Variants in GRIA3 observed in about 807,000 individuals in gnomAD.
GRIA3 encodes glutamate ionotropic receptor AMPA type subunit 3, also known as glutamate receptor 3.
Under a neutral mutation model 63.0 loss-of-function variants are expected in GRIA3, and 3 were observed. That is an observed-to-expected ratio of 0.05 (90% CI 0.02 to 0.12). The LOEUF (loss-of-function observed/expected upper bound fraction) is 0.12, where lower values mean the gene tolerates loss of function less well. Ranked by LOEUF, GRIA3 falls within the 10% of genes least tolerant of loss-of-function variation. The pLI, the probability that GRIA3 is intolerant of heterozygous loss-of-function variation, is 1.00. For synonymous variants in GRIA3, 274 were observed against 257.9 expected, an observed-to-expected ratio of 1.06 and a Z score of -0.60; for missense variants, 347 against 700.9, an observed-to-expected ratio of 0.50 and a Z score of 5.70.
rs145824332 is a variant in GRIA3, at chrX:123,222,981, C to G, written c.269-30322C>G. Among the ~76,000 whole-genome samples the G allele has an allele frequency of 8.5e-3, 957 of 112,239 alleles. 15 individuals are homozygous for G. Among genetic ancestry groups the G allele is most frequent in the African/African-American group, 0.029 (909 of 30,845 alleles). On this transcript the variant is annotated intron_variant, in intron 2 of 15. Coordinates refer to ENST00000620443, the MANE Select transcript of GRIA3 (RefSeq NM_007325.5). ...GGCTCCTAAGCACAACTATTGAGAT[C>G]TACTTTTAATGCTATGTGGGTCATT...
At chrX:123,298,634 C>T (rs1422195524) in intron 3 of GRIA3, among the ~76,000 whole-genome samples, 1 of 110,614 alleles carries the variant, frequency 9.0e-6, no homozygotes, top group Non-Finnish European at 1.9e-5. Context: ...TATATTATAC[C>T]TTTATCAGAC....
chrX:123,212,437 T>C (rs1928064638), intron 2 of GRIA3, among the ~76,000 whole-genome samples: 2 of 111,964 alleles, frequency 1.8e-5, no homozygotes, highest in African/African-American at 6.5e-5. Context: ...AGAAGTATCT[T>C]CATCTTTTGG....
Position 123,235,979 on chromosome X carries a change from T to C in GRIA3, c.269-17324T>C, listed in dbSNP as rs557737813. ...AGTACATTAAGTCATCCTGAATAAA[T>C]TAAGTTCATCTGCTTTCCACACAGG... On this transcript the variant is annotated intron_variant, in intron 2 of 15. Coordinates refer to ENST00000620443, the MANE Select transcript of GRIA3 (RefSeq NM_007325.5). 2.6e-4 allele frequency among the ~76,000 whole-genome samples: 29 copies of C among 111,628 alleles called. 1 individual carries two copies. The highest frequency in any genetic ancestry group is 2.0e-3 in the East Asian group (7 of 3,532).
chrX:123,400,352 A>T (rs772049122), intron 7 of GRIA3, among the ~76,000 whole-genome samples: 4 of 111,413 alleles, frequency 3.6e-5, no homozygotes, highest in Non-Finnish European at 5.7e-5. Context: ...AAAACAATAC[A>T]TTACCTTTCT....
At chrX:123,441,037 G>A (rs780094536) in intron 12 of GRIA3, among the ~76,000 whole-genome samples, 1 of 111,949 alleles carries the variant, frequency 8.9e-6, no homozygotes, top group African/African-American at 3.2e-5. Flanking sequence ...CATTCATACT[G>A]AGCCCAGTAT....
intron 3 of GRIA3, among the ~76,000 whole-genome samples, chrX:123,314,066 G>A (rs1473253348): frequency 9.0e-6 from 1 of 111,194 alleles, no homozygotes; most frequent in East Asian, 2.8e-4. Context: ...ACTAGGGCTG[G>A]CAAGTGCATT....
chrX:123,210,917 C>G (rs941443412), intron 2 of GRIA3, among the ~76,000 whole-genome samples: 1 of 111,826 alleles, frequency 8.9e-6, no homozygotes, highest in Non-Finnish European at 1.9e-5. Context: ...ACTAGTCTTT[C>G]AAAAATGTAT....
At chrX:123,407,879 G>T (rs1345454772) in intron 10 of GRIA3, among the ~76,000 whole-genome samples, 3 of 111,690 alleles carry the variant, frequency 2.7e-5, no homozygotes, top group African/African-American at 9.8e-5. Context: ...GGCTTATGGT[G>T]CCTTAGTCAT....
intron 3 of GRIA3, among the ~76,000 whole-genome samples, chrX:123,318,913 T>C (rs5911585): frequency 0.039 from 4,405 of 111,894 alleles, 103 homozygotes; most frequent in Non-Finnish European, 0.062. Flanking sequence ...ACGTTTAATA[T>C]GGACGTACAG....
chrX:123,360,539 A>G (rs1222833811), intron 5 of GRIA3, among the ~76,000 whole-genome samples: 1 of 102,123 alleles, frequency 9.8e-6, no homozygotes, highest in Non-Finnish European at 2.0e-5. Context: ...AAAAAAAAAA[A>G]AAAAAACTTA....
chrX:123,199,038 G>A (rs1247839005), intron 2 of GRIA3, among the ~76,000 whole-genome samples: 3 of 111,419 alleles, frequency 2.7e-5, no homozygotes, highest in African/African-American at 6.5e-5. Context: ...AGTTAAGAAC[G>A]TATTCGTTTG....
intron 4 of GRIA3, among the ~76,000 whole-genome samples, chrX:123,345,050 G>A (rs894083263): frequency 9.0e-6 from 1 of 111,176 alleles, no homozygotes; most frequent in Non-Finnish European, 1.9e-5. Flanking sequence ...TGTACACTTT[G>A]AGAAATACTG....
Position 123,398,755 on chromosome X carries a change from T to A in GRIA3, c.1032T>A (p.Pro344=). ...GTGCTGGAGACTGCTTAGCAAATCC[T>A]GCTGTGCCCTGGAGTCAAGGAATTG... is the stretch of plus-strand genomic sequence containing the variant. The part of the protein sequence containing the change: ...RGSAGDCLAN[P]AVPWSQGIDI... The change falls in exon 7 of 16, where the codon CCT becomes CCA. Residue 344 remains proline (P), a synonymous_variant. Coordinates refer to ENST00000620443, the MANE Select transcript of GRIA3 (RefSeq NM_007325.5). The A allele has an allele frequency of 8.3e-7, 1 of 1,210,398 alleles. No homozygotes were observed. The highest frequency in any genetic ancestry group is 1.1e-6 in the Non-Finnish European group (1 of 894,439).
intron 5 of GRIA3, among the ~76,000 whole-genome samples, chrX:123,385,244 A>T (rs930141907): frequency 8.9e-6 from 1 of 112,186 alleles, no homozygotes; most frequent in Admixed American, 9.4e-5. Flanking sequence ...AGCACCACTT[A>T]TTGAATAGGG....
chrX:123,206,548 C>A (rs144125198), intron 2 of GRIA3, among the ~76,000 whole-genome samples: 1,998 of 111,941 alleles, frequency 0.018, 45 homozygotes, highest in African/African-American at 0.061. Context: ...TAAATTAATA[C>A]AGAGTCATAC....
In GRIA3 at chrX:123,450,575, A is replaced by C. The variant is rs2045725060; in HGVS notation, c.2077-14290A>C. Among the ~76,000 whole-genome samples the C allele has an allele frequency of 5.3e-5, 6 of 112,903 alleles. No individual in the cohort carries two copies. The Admixed American group carries it at 5.6e-4, about 11-fold the overall frequency. On this transcript the variant is annotated intron_variant, in intron 12 of 15. Coordinates refer to ENST00000620443, the MANE Select transcript of GRIA3 (RefSeq NM_007325.5). The stretch of plus-strand genomic sequence containing the variant: ...AGAATATAGACTTTGGTGTCAAATG[A>C]GCTGGGTTTAAATCTCAGCTACGCA...
intron 12 of GRIA3, among the ~76,000 whole-genome samples, chrX:123,453,289 G>A (rs1005575293): frequency 9.0e-6 from 1 of 110,671 alleles, no homozygotes; most frequent in African/African-American, 3.3e-5. Context: ...ACTATCAAAA[G>A]GACAGAAAAC....
intron 3 of GRIA3, among the ~76,000 whole-genome samples, chrX:123,289,716 C>T (rs1041270009): frequency 9.1e-6 from 1 of 109,917 alleles, no homozygotes; most frequent in Non-Finnish European, 1.9e-5. Flanking sequence ...CCTTGTGAGA[C>T]TGGAAGAGAC....
intron 12 of GRIA3, among the ~76,000 whole-genome samples, chrX:123,461,441 G>T (rs890805673): frequency 4.5e-5 from 5 of 111,645 alleles, no homozygotes; most frequent in African/African-American, 1.6e-4. Context: ...CATGACATCT[G>T]CTCTGGATCT....
Sources: gnomAD v4.1 joint callset for allele counts (sites outside exome capture counted in the v4.1 genomes callset) on GRCh38, gnomAD v4.1.1 for gene constraint, MANE v1.5 for transcripts, NCBI Gene and HGNC (gene_info 2026-07-23, HGNC 2026-07-21) for gene names.